CFI: variants seen among roughly 807,000 people sequenced by gnomAD.
CFI encodes complement factor I.
A neutral mutation model predicts 78.8 loss-of-function variants in CFI; 66 were observed. The observed-to-expected ratio is 0.84, with a 90% CI of 0.69 to 1.03. The LOEUF is 1.03. Among genes scored for constraint, CFI ranks in the 50% least tolerant of loss-of-function variants. The pLI is 0.00. For missense variants in CFI, 706 were observed against 704.5 expected, an observed-to-expected ratio of 1.00 and a Z score of -0.02; for synonymous variants, 250 against 232.6, an observed-to-expected ratio of 1.07 and a Z score of -0.68.
intron 1 of CFI, among the ~76,000 whole-genome samples, chr4:109,788,243 A>C (rs1730986562): frequency 6.6e-6 from 1 of 152,148 alleles, no homozygotes; most frequent in Admixed American, 6.5e-5. Flanking sequence ...CTTCCCTGGA[A>C]GTGAAATTGC....
chr4:109,782,431 C>CAAAAA (rs36163689), intron 1 of CFI, among the ~76,000 whole-genome samples: 2,042 of 138,018 alleles, frequency 0.015, 31 homozygotes, highest in South Asian at 0.04. Flanking sequence ...ACAATAGCTG[C>CAAAAA]AAAAAAAAAA....
chr4:109,801,058 A>G (rs910845671), intron 1 of CFI, among the ~76,000 whole-genome samples: 2 of 152,194 alleles, frequency 1.3e-5, no homozygotes, highest in African/African-American at 4.8e-5. Flanking sequence ...CACTAAGACA[A>G]GATAGTTTTG....
intron 1 of CFI, among the ~76,000 whole-genome samples, chr4:109,774,137 T>C (rs1355595054): frequency 6.6e-6 from 1 of 152,224 alleles, no homozygotes; most frequent in East Asian, 1.9e-4. Flanking sequence ...ACAATATTTA[T>C]TGAGAGCCTA....
At chr4:109,760,775 C>T (rs1726957186) in intron 4 of CFI, 139 bp from the exon 5 acceptor site, 6 of 680,166 alleles carry the variant, frequency 8.8e-6, no homozygotes, top group Admixed American at 2.1e-5. Flanking sequence ...GTATTATCAA[C>T]ATAGTACATA....
Position 109,770,515 on chromosome 4 carries a change from C to G in CFI, c.58-3691G>C, listed in dbSNP as rs890000388. 6.0e-5 allele frequency among the ~76,000 whole-genome samples: 9 copies of G among 150,230 alleles called. No individual in the cohort carries two copies. The East Asian group carries it at 1.8e-3, about 29-fold the overall frequency. On this transcript the variant is annotated intron_variant, in intron 1 of 12. Coordinates refer to ENST00000394634, the MANE Select transcript of CFI (RefSeq NM_000204.5). Reference sequence around the variant, plus strand: ...AGTTTGCAGTGAGCGGAGACCGCACCACTGCACTCCAACCTGGATGACAGA... The same window carrying G: ...AGTTTGCAGTGAGCGGAGACCGCACGACTGCACTCCAACCTGGATGACAGA...
At chr4:109,746,788 T>C (rs1460035042) in intron 10 of CFI, among the ~76,000 whole-genome samples, 1 of 152,188 alleles carries the variant, frequency 6.6e-6, no homozygotes, top group African/African-American at 2.4e-5. Flanking sequence ...TTGCTGCCTC[T>C]GGAGTGAGTG....
the CFI span, among the ~76,000 whole-genome samples, chr4:109,734,514 C>T: frequency 3.3e-5 from 5 of 152,000 alleles, no homozygotes; most frequent in Non-Finnish European, 5.9e-5. Context: ...TTAGAAATGG[C>T]GATTACAGGC....
chr4:109,744,226 G>A (rs1724149809), intron 11 of CFI, among the ~76,000 whole-genome samples: 1 of 152,066 alleles, frequency 6.6e-6, no homozygotes, highest in Admixed American at 6.6e-5. Flanking sequence ...TATTAAACAT[G>A]GGCTTTATTT....
In CFI at chr4:109,753,686, A is replaced by ATCTAACG. The variant is rs1222962552; in HGVS notation, c.905-1184_905-1183insCGTTAGA. Among the ~76,000 whole-genome samples, 49 of 112,352 alleles carry ATCTAACG rather than the reference A, an allele frequency of 4.4e-4. 4 individuals carry two copies. Among genetic ancestry groups the ATCTAACG allele is most frequent in the African/African-American group, 1.7e-3 (46 of 26,720 alleles). 73.7% of individuals were successfully genotyped at this position (112,352 alleles called of 152,430 possible). On this transcript the variant is annotated intron_variant, in intron 7 of 12. Coordinates refer to ENST00000394634, the MANE Select transcript of CFI (RefSeq NM_000204.5). ...AATGTATAATTTTATATTATATATT[A>ATCTAACG]TATAATGTATAATTTTATATTATAT...
At chr4:109,736,230 T>G (rs992927899), downstream of CFI, among the ~76,000 whole-genome samples, 4 of 152,254 alleles carry the variant, frequency 2.6e-5, no homozygotes, top group African/African-American at 9.6e-5. Flanking sequence ...CACATTCCTT[T>G]GTGTCCTAGC....
chr4:109,734,723 G>A, the CFI span, among the ~76,000 whole-genome samples: 1 of 152,162 alleles, frequency 6.6e-6, no homozygotes, highest in African/African-American at 2.4e-5. Flanking sequence ...AGAATTGCTT[G>A]AACCTAGGAG....
At chr4:109,770,011 C>T (rs182632672) in intron 1 of CFI, among the ~76,000 whole-genome samples, 4 of 152,116 alleles carry the variant, frequency 2.6e-5, no homozygotes, top group Non-Finnish European at 2.9e-5. Flanking sequence ...TGAAGAGAAG[C>T]GGCAGCACCT....
At chr4:109,732,856 CA>C in the CFI span, among the ~76,000 whole-genome samples, 47,708 of 130,158 alleles carry the variant, frequency 0.37, 8,117 homozygotes, top group Non-Finnish European at 0.45. Flanking sequence ...GACTCTGTCT[CA>C]AAAAAAAAAA....
intron 1 of CFI, among the ~76,000 whole-genome samples, chr4:109,781,843 G>A (rs1730076431): frequency 6.6e-6 from 1 of 152,042 alleles, no homozygotes; most frequent in Non-Finnish European, 1.5e-5. Flanking sequence ...AGGGATGCAG[G>A]GGTGGTTTAA....
chr4:109,781,300 A>G (rs2125845803), intron 1 of CFI, among the ~76,000 whole-genome samples: 2 of 152,288 alleles, frequency 1.3e-5, no homozygotes, highest in South Asian at 4.1e-4. Flanking sequence ...AAAAATTCAA[A>G]TAAGCTCGAT....
At chr4:109,734,801 C>A in the CFI span, among the ~76,000 whole-genome samples, 57,178 of 151,364 alleles carry the variant, frequency 0.38, 11,929 homozygotes, top group East Asian at 0.56. Context: ...AACAGTCTGT[C>A]TAAGAAAAAA....
At chr4:109,746,063 C>A (rs761278267) in intron 11 of CFI, among the ~76,000 whole-genome samples, 159 bp downstream of exon 11, 3 of 152,168 alleles carry the variant, frequency 2.0e-5, no homozygotes, top group Non-Finnish European at 4.4e-5. Context: ...GGCAGCTGCA[C>A]ATGCTGCAAA....
chr4:109,756,236 A>G (rs756799325), intron 7 of CFI, among the ~76,000 whole-genome samples: 16 of 151,156 alleles, frequency 1.1e-4, no homozygotes, highest in Non-Finnish European at 2.1e-4. Context: ...CCTGATGATC[A>G]TGTATAAGGA....
At chr4:109,733,891 T>C in the CFI span, among the ~76,000 whole-genome samples, 10 of 152,218 alleles carry the variant, frequency 6.6e-5, no homozygotes, top group Admixed American at 3.9e-4. Context: ...GGGGCTTAGC[T>C]GGGCGCAGTG....
Sources: allele counts gnomAD v4.1 joint callset (sites outside exome capture counted in the v4.1 genomes callset), GRCh38; gene constraint gnomAD v4.1.1; transcripts MANE v1.5; gene names NCBI Gene and HGNC (gene_info 2026-07-23, HGNC 2026-07-21).